The following POLN variants were observed in gnomAD, a reference collection of about 807,000 sequenced individuals.
POLN encodes DNA polymerase nu.
In POLN, 108 loss-of-function variants were observed where a neutral mutation model predicts 113.5. That is an observed-to-expected ratio of 0.95 (90% CI 0.81 to 1.12). The LOEUF (loss-of-function observed/expected upper bound fraction) is 1.12, where lower values mean the gene tolerates loss of function less well. Among genes scored for constraint, POLN ranks in the 50% most tolerant of loss-of-function variants. The probability of loss-of-function intolerance (pLI) is 0.00; values close to 1 mark genes in which losing one functional copy is unlikely to be tolerated. For synonymous variants in POLN, 386 were observed against 391.5 expected (o/e 0.99, Z 0.17); for missense variants, 1,097 against 1,077.1 (o/e 1.02, Z -0.26).
intron 19 of POLN, among the ~76,000 whole-genome samples, chr4:2,098,483 A>C (rs1453762623): frequency 6.6e-6 from 1 of 152,176 alleles, no homozygotes; most frequent in South Asian, 2.1e-4. Context: ...AACTTAACCA[A>C]ATGAAAATGT....
intron 23 of POLN, chr4:2,080,757 C>A: frequency 6.9e-7 from 1 of 1,449,998 alleles, no homozygotes; most frequent in South Asian, 1.4e-5. Flanking sequence ...TCATCTGCAC[C>A]CCACGCTGGT....
chr4:2,125,431 A>G (rs1262696686), intron 19 of POLN, among the ~76,000 whole-genome samples: 1 of 152,070 alleles, frequency 6.6e-6, no homozygotes, highest in Non-Finnish European at 1.5e-5. Flanking sequence ...ATTAAGAGAG[A>G]ATAGTAGTTA....
Position 2,241,275 on chromosome 4 carries a change from C to T in POLN, c.-13+245G>A, listed in dbSNP as rs183088418. Among the ~76,000 whole-genome samples the T allele has an allele frequency of 2.5e-3, 378 of 152,284 alleles. 1 individual carries two copies. Among genetic ancestry groups the T allele is most frequent in the Non-Finnish European group, 3.1e-3 (208 of 68,022 alleles). On this transcript the variant is annotated intron_variant, in intron 2 of 25. Coordinates refer to ENST00000511885, the MANE Select transcript of POLN (RefSeq NM_181808.4). ...TAGGCTAGTTCTCAGAAAACCGCAA[C>T]AGTAACGAAAAGTAATTAACAAGAA...
intron 7 of POLN, among the ~76,000 whole-genome samples, chr4:2,188,778 A>T (rs1307496108): frequency 1.3e-5 from 2 of 152,240 alleles, no homozygotes; most frequent in African/African-American, 4.8e-5. Context: ...GAAGATTAAA[A>T]GATAAATCTA....
At chr4:2,147,659 T>A (rs1732182461) in intron 16 of POLN, among the ~76,000 whole-genome samples, 2 of 138,010 alleles carry the variant, frequency 1.4e-5, no homozygotes, top group Non-Finnish European at 3.2e-5. Flanking sequence ...TTTTTTTTTT[T>A]GAGACAAAGT....
intron 16 of POLN, among the ~76,000 whole-genome samples, chr4:2,140,266 C>T (rs1027632351): frequency 2.6e-5 from 4 of 151,928 alleles, no homozygotes; most frequent in Non-Finnish European, 5.9e-5. Context: ...TTAGTAGAGA[C>T]GGGGGTTTCA....
intron 20 of POLN, among the ~76,000 whole-genome samples, chr4:2,088,386 G>GA (rs1455273726): frequency 1.3e-5 from 2 of 151,914 alleles, no homozygotes; most frequent in Non-Finnish European, 2.9e-5. Flanking sequence ...ATATCTCATA[G>GA]AAAAAAATAT....
In POLN at chr4:2,129,208, G is replaced by A; in HGVS notation, c.1838C>T (p.Ser613Leu). The change falls in exon 18 of 26, where the codon TCA becomes TTA. Residue 613 changes from serine to leucine, a missense_variant. Ser to Leu is a moderately radical substitution (Grantham distance 145). Transcript: ENST00000511885. ...TGCTAGAAAGGTGTGGCCTTTGGAT[G>A]AAACAAACATGGCCCTCGGGGAGAT... ...LTISPRAMFV[S>L]SKGHTFLAAD... 6.2e-7 allele frequency: 1 copy of A among 1,601,304 alleles called. No homozygotes were observed. Among genetic ancestry groups the A allele is most frequent in the Non-Finnish European group, 8.6e-7 (1 of 1,168,518 alleles).
intron 19 of POLN, among the ~76,000 whole-genome samples, chr4:2,108,271 C>T (rs1319391426): frequency 6.6e-6 from 1 of 152,174 alleles, no homozygotes; most frequent in East Asian, 1.9e-4. Context: ...GGAAGGCAGC[C>T]GCTTGCTCTT....
chr4:2,205,917 A>G (rs975214885), intron 5 of POLN, among the ~76,000 whole-genome samples: 1 of 151,994 alleles, frequency 6.6e-6, no homozygotes, highest in African/African-American at 2.4e-5. Flanking sequence ...ATGGAGCAAC[A>G]ACAACAAAAA....
At chr4:2,182,533 C>T (rs1733169098) in intron 7 of POLN, among the ~76,000 whole-genome samples, 1 of 152,092 alleles carries the variant, frequency 6.6e-6, no homozygotes, top group African/African-American at 2.4e-5. Flanking sequence ...CTGCCAACAC[C>T]TTAATTTGGA....
intron 4 of POLN, 44 bp from the exon 5 acceptor site, chr4:2,208,531 A>C: frequency 2.1e-6 from 3 of 1,405,682 alleles, no homozygotes; most frequent in Non-Finnish European, 1.9e-6. Context: ...TGGACTCATA[A>C]GACAGATCTA....
At chr4:2,238,532 G>A in intron 2 of POLN, 3 of 993,060 alleles carry the variant, frequency 3.0e-6, no homozygotes, top group Non-Finnish European at 4.2e-6. Flanking sequence ...CAAAATTTTA[G>A]CTCAAACTCT....
In POLN at chr4:2,107,932, T is replaced by C. The variant is rs112516853; in HGVS notation, c.1983-11999A>G. On this transcript the variant is annotated intron_variant, in intron 19 of 25. Coordinates refer to ENST00000511885, the MANE Select transcript of POLN (RefSeq NM_181808.4). ...TTGCCATAAGCCAGGCACTGGGCCATTGCTTCTCCTCTGAGTGTCACCTGA... is the reference window on the plus strand; with the variant it reads ...TTGCCATAAGCCAGGCACTGGGCCACTGCTTCTCCTCTGAGTGTCACCTGA... 6.8e-4 allele frequency among the ~76,000 whole-genome samples: 103 copies of C among 152,300 alleles called. 2 individuals are homozygous for C. Among genetic ancestry groups the C allele is most frequent in the African/African-American group, 2.0e-3 (83 of 41,584 alleles).
chr4:2,241,944 C>A (rs1356784256), intron 1 of POLN, 107 bp downstream of exon 1: 12 of 985,442 alleles, frequency 1.2e-5, no homozygotes, highest in African/African-American at 1.7e-5. Flanking sequence ...TGGAAGGAGC[C>A]CCCAGGAGCG....
intron 13 of POLN, among the ~76,000 whole-genome samples, chr4:2,164,802 CAAAAAAAAAAAAAAAAAAA>C (rs33935159): frequency 1.8e-3 from 52 of 28,724 alleles, no homozygotes; most frequent in South Asian, 5.0e-3. Flanking sequence ...GACTCTGTCT[CAAAAAAAAAAAAAAAAAAA>C]AAAAAAAAAA....
chr4:2,131,180 A>G (rs1235781402), intron 17 of POLN, 53 bp downstream of exon 17: 1 of 1,302,990 alleles, frequency 7.7e-7, no homozygotes. Context: ...GTGACACCCT[A>G]TCTCAAAAGA....
At chr4:2,088,384 T>A (rs954012185) in intron 20 of POLN, among the ~76,000 whole-genome samples, 6 of 152,148 alleles carry the variant, frequency 3.9e-5, no homozygotes, top group African/African-American at 1.2e-4. Flanking sequence ...AAATATCTCA[T>A]AGAAAAAAAT....
intron 2 of POLN, among the ~76,000 whole-genome samples, chr4:2,237,694 T>C (rs1734815991): frequency 6.6e-6 from 1 of 152,156 alleles, no homozygotes; most frequent in African/African-American, 2.4e-5. Context: ...TACAGGATTG[T>C]GGTGGGATTA....
Sources: allele counts gnomAD v4.1 joint callset (sites outside exome capture counted in the v4.1 genomes callset), GRCh38; gene constraint gnomAD v4.1.1; transcripts MANE v1.5; gene names NCBI Gene and HGNC (gene_info 2026-07-23, HGNC 2026-07-21).